GTF3C1: variants seen among roughly 807,000 people sequenced by gnomAD.
GTF3C1 encodes general transcription factor 3C polypeptide 1.
In GTF3C1, 57 loss-of-function variants were observed where a neutral mutation model predicts 226.7. The observed-to-expected ratio is 0.25, with a 90% CI of 0.20 to 0.31. The LOEUF (loss-of-function observed/expected upper bound fraction) is 0.31. Among genes scored for constraint, GTF3C1 ranks in the 10% least tolerant of loss-of-function variants. GTF3C1 has a pLI of 1.00. For missense variants in GTF3C1, 2,217 were observed against 2,776.1 expected, an observed-to-expected ratio of 0.80 and a Z score of 4.53; for synonymous variants, 1,090 against 1,084.8, an observed-to-expected ratio of 1.00 and a Z score of -0.09.
At chr16:27,493,862 G>A (rs1183277267) in intron 16 of GTF3C1, among the ~76,000 whole-genome samples, 1 of 151,246 alleles carries the variant, frequency 6.6e-6, no homozygotes, top group Non-Finnish European at 1.5e-5. Flanking sequence ...AGTTAATGAT[G>A]CAAAAAATAC....
chr16:27,464,583 T>C lies in GTF3C1; in HGVS notation c.5609A>G (p.Asn1870Ser). ...GGTGCCCTCGGCGTCGGTCTCCCCATTCTCACTGGCCCAGCTGGCGCGCCT... is the reference window on the plus strand; with the variant it reads ...GGTGCCCTCGGCGTCGGTCTCCCCACTCTCACTGGCCCAGCTGGCGCGCCT... ...TKRRASWASE[N>S]GETDAEGTQM... The change falls in exon 34 of 37, where the codon AAT (asparagine) becomes AGT (serine). Residue 1870 changes from asparagine to serine, a missense_variant. By Grantham distance (46) the Asn-to-Ser change is conservative. Around this residue, in one of 12 missense-constraint regions of GTF3C1, gnomAD observed 455 missense variants for 441.9 expected, o/e 1.03. Transcript: ENST00000356183. 1 of 1,492,524 alleles carries C rather than the reference T, an allele frequency of 6.7e-7. No individual in the cohort carries two copies. Among genetic ancestry groups the C allele is most frequent in the South Asian group, 1.4e-5 (1 of 72,414 alleles). 92.5% of individuals were successfully genotyped at this position (1,492,524 alleles called of 1,614,324 possible). A position where few individuals can be genotyped will look rare whatever the true frequency, so the allele number is the denominator to read the frequency against.
At position 27,471,039 on chromosome 16, in the gene GTF3C1, G is replaced by C. The variant is rs1485168225; in HGVS notation, c.4527-644C>G. Among the ~76,000 whole-genome samples, 2 of 152,230 alleles carry C rather than the reference G, an allele frequency of 1.3e-5. No homozygotes were observed. Among genetic ancestry groups the C allele is most frequent in the African/African-American group, 2.4e-5 (1 of 41,462 alleles). On this transcript the variant is annotated intron_variant, in intron 30 of 36. Coordinates refer to ENST00000356183, the MANE Select transcript of GTF3C1 (RefSeq NM_001520.4). The surrounding 1 kb of genome is among the most constrained non-coding windows in gnomAD (Gnocchi z 5.0). ...GAGGCCTGAGGGTCATTCGGGGTCA[G>C]GGTCTGGGGAGGAGGAAGTGTCTGC...
At position 27,461,292 on chromosome 16, in the gene GTF3C1, C is replaced by G; in HGVS notation, c.*58G>C. The G allele has an allele frequency of 7.8e-6, 9 of 1,152,112 alleles. No homozygotes were observed. The highest frequency in any genetic ancestry group is 1.1e-5 in the Non-Finnish European group (9 of 785,046). 71.4% of individuals were successfully genotyped at this position (1,152,112 alleles called of 1,614,324 possible). On this transcript the variant is annotated 3_prime_UTR_variant, in exon 37 of 37. Coordinates refer to ENST00000356183, the MANE Select transcript of GTF3C1 (RefSeq NM_001520.4). This position sits in a 1 kb window ranked among gnomAD's most constrained non-coding sequence, Gnocchi z 5.3. ...AGGGCACAGTGGGGTCTGCCGAGCA[C>G]CAGGCAGGAGTGGTGTGGCAGGCGG... is the stretch of plus-strand genomic sequence containing the variant.
At chr16:27,537,422 T>C (rs2089017988) in intron 4 of GTF3C1, among the ~76,000 whole-genome samples, 1 of 152,194 alleles carries the variant, frequency 6.6e-6, no homozygotes, top group African/African-American at 2.4e-5. Flanking sequence ...ATTATTATTT[T>C]TTTAAGAGAC....
chr16:27,486,235 A>G, intron 23 of GTF3C1, 81 bp from the exon 24 acceptor site: 1 of 747,914 alleles, frequency 1.3e-6, no homozygotes, highest in Non-Finnish European at 2.3e-6. Flanking sequence ...CAGGTTCCCT[A>G]CCCAGCCAGT....
chr16:27,511,702 C>A (rs962086043), intron 7 of GTF3C1, 47 bp downstream of exon 7: 66 of 1,602,356 alleles, frequency 4.1e-5, no homozygotes, highest in Non-Finnish European at 5.5e-5. Context: ...CTTCTTGACT[C>A]AAATTCTCGG....
chr16:27,530,088 G>A (rs1271638742), intron 5 of GTF3C1, among the ~76,000 whole-genome samples: 1 of 152,182 alleles, frequency 6.6e-6, no homozygotes, highest in Non-Finnish European at 1.5e-5. Flanking sequence ...ACTGAGAGCT[G>A]TTCACTGAAT....
Position 27,464,658 on chromosome 16 carries a change from C to A in GTF3C1, c.5534G>T (p.Ser1845Ile). 6.5e-7 allele frequency: 1 copy of A among 1,536,664 alleles called. No homozygotes were observed. Among genetic ancestry groups the A allele is most frequent in the Non-Finnish European group, 8.7e-7 (1 of 1,147,758 alleles). Reference sequence around the variant, plus strand: ...AGGAGGTGCCTGCCCCTCGGGGGGGCTGTCCTCACTGGAAGACCCCTCCAG... The same window carrying A: ...AGGAGGTGCCTGCCCCTCGGGGGGGATGTCCTCACTGGAAGACCCCTCCAG... ...RPLEGSSSED[S>I]PPEGQAPPSH... The change falls in exon 34 of 37, where the codon AGC becomes ATC. Residue 1845 changes from serine (S) to isoleucine (I), a missense_variant. Physicochemically the swap from Ser to Ile is moderately radical, Grantham distance 142 (BLOSUM62 -2). Around this residue, in one of 12 missense-constraint regions of GTF3C1, gnomAD observed 455 missense variants for 441.9 expected, o/e 1.03. Transcript: ENST00000356183.
Position 27,483,142 on chromosome 16 carries a change from C to T in GTF3C1, c.4002-17G>A. 1.2e-6 allele frequency: 2 copies of T among 1,612,210 alleles called. No individual in the cohort carries two copies. Among genetic ancestry groups the T allele is most frequent in the Non-Finnish European group, 1.7e-6 (2 of 1,178,324 alleles). On this transcript the variant is annotated splice_polypyrimidine_tract_variant and intron_variant, in intron 25 of 36. Transcript: ENST00000356183. ...AGGCACACTCTGCAGGAAGAGGAGA[C>T]AAAGCTGAAGTCTGGGAATTGCAAT...
At chr16:27,532,524 T>C (rs72784377) in intron 5 of GTF3C1, among the ~76,000 whole-genome samples, 565 of 152,330 alleles carry the variant, frequency 3.7e-3, no homozygotes, top group Admixed American at 6.3e-3. Context: ...TCCAGTCAGA[T>C]TGGAAGCAGC....
chr16:27,533,517 GTC>G, intron 4 of GTF3C1, 130 bp from the exon 5 acceptor site: 1 of 622,656 alleles, frequency 1.6e-6, no homozygotes, highest in Non-Finnish European at 2.9e-6. Flanking sequence ...AATCTTTTAG[GTC>G]TCAAAGATCA....
At chr16:27,493,932 T>G (rs962970349) in intron 16 of GTF3C1, among the ~76,000 whole-genome samples, 5 of 117,134 alleles carry the variant, frequency 4.3e-5, no homozygotes, top group African/African-American at 1.3e-4. Flanking sequence ...TCAATTCAGC[T>G]TTTTTTTTTA....
At chr16:27,500,662 G>A (rs2088391659) in intron 12 of GTF3C1, among the ~76,000 whole-genome samples, 1 of 152,160 alleles carries the variant, frequency 6.6e-6, no homozygotes, top group East Asian at 1.9e-4. Context: ...TAGAATGTCC[G>A]TGAAGCTGCT....
rs2087734043 is a variant in GTF3C1, at chr16:27,463,465, C to A, written c.5924+76G>T. ...GTACCTGGGGAAAGACCCTCAAAGA[C>A]CCTCACACAAATCCTTACACTCGGT... is the stretch of plus-strand genomic sequence containing the variant. On this transcript the variant is annotated intron_variant, in intron 35 of 36. Transcript: ENST00000356183. The surrounding 1 kb of genome is among the most constrained non-coding windows in gnomAD (Gnocchi z 4.9). 2 of 845,438 alleles carry A rather than the reference C, an allele frequency of 2.4e-6. No individual in the cohort carries two copies. Among genetic ancestry groups the A allele is most frequent in the East Asian group, 2.4e-5 (1 of 41,062 alleles). The allele number at this position is 845,438 out of a possible 1,614,324, so 52.4% of individuals were successfully genotyped here.
In GTF3C1 at chr16:27,461,620, A is replaced by G. The variant is rs897186743; in HGVS notation, c.6118-58T>C. The G allele has an allele frequency of 2.3e-6, 3 of 1,313,446 alleles. No individual in the cohort carries two copies. The highest frequency in any genetic ancestry group is 3.3e-6 in the Non-Finnish European group (3 of 916,804). The allele number at this position is 1,313,446 out of a possible 1,614,324, so 81.4% of individuals were successfully genotyped here. ...ACTGCCCTCGCCTGCTTGTTGATTT[A>G]TTCTTCAAGCATTTATGGAATGCCC... On this transcript the variant is annotated intron_variant, in intron 36 of 36. Coordinates refer to ENST00000356183, the MANE Select transcript of GTF3C1 (RefSeq NM_001520.4). This position sits in a 1 kb window ranked among gnomAD's most constrained non-coding sequence, Gnocchi z 5.3.
chr16:27,475,767 C>T (rs944632144), intron 29 of GTF3C1, among the ~76,000 whole-genome samples: 3 of 152,274 alleles, frequency 2.0e-5, no homozygotes, highest in South Asian at 4.1e-4. Context: ...TCACTGCCCA[C>T]GGAAAGGCAG....
At chr16:27,529,666 AT>A in intron 5 of GTF3C1, among the ~76,000 whole-genome samples, 2 of 152,296 alleles carry the variant, frequency 1.3e-5, no homozygotes, top group East Asian at 3.9e-4. Flanking sequence ...ACTTGCCAAA[AT>A]TGAAAAGTGA....
At chr16:27,522,169 A>G (rs1402880982) in intron 6 of GTF3C1, among the ~76,000 whole-genome samples, 2 of 152,368 alleles carry the variant, frequency 1.3e-5, no homozygotes, top group African/African-American at 2.4e-5. Flanking sequence ...GTACAAGTCA[A>G]TGGTTTCTTA....
At position 27,513,755 on chromosome 16, in the gene GTF3C1, A is replaced by G. The variant is rs917580203; in HGVS notation, c.974-1854T>C. ...TTGGTGGTAATTTGTTACAGTAGTCATAAGAATAACAGGGACAGCTTCTCC... is the reference window on the plus strand; with the variant it reads ...TTGGTGGTAATTTGTTACAGTAGTCGTAAGAATAACAGGGACAGCTTCTCC... On this transcript the variant is annotated intron_variant, in intron 6 of 36. Coordinates refer to ENST00000356183, the MANE Select transcript of GTF3C1 (RefSeq NM_001520.4). 9.9e-5 allele frequency among the ~76,000 whole-genome samples: 15 copies of G among 152,236 alleles called. 1 individual carries two copies. Among genetic ancestry groups the G allele is most frequent in the Admixed American group, 9.2e-4 (14 of 15,286 alleles).
Sources: gnomAD v4.1 joint callset for allele counts (sites outside exome capture counted in the v4.1 genomes callset) on GRCh38, gnomAD v4.1.1 for gene constraint, gnomAD v4.1.1 regional missense constraint, Gnocchi (gnomAD v3.1) non-coding constraint, MANE v1.5 for transcripts, NCBI Gene and HGNC (gene_info 2026-07-23, HGNC 2026-07-21) for gene names.